ATR: variants seen among roughly 807,000 people sequenced by gnomAD.
ATR encodes the protein ATR checkpoint kinase.
A neutral mutation model predicts 305.3 loss-of-function variants in ATR; 142 were observed. The observed-to-expected ratio is 0.47, with a 90% CI of 0.41 to 0.53. The LOEUF (loss-of-function observed/expected upper bound fraction) is 0.53. ATR is among the 20% of genes least tolerant of loss of function. The probability of loss-of-function intolerance (pLI) is 0.00; values close to 1 mark genes in which losing one functional copy is unlikely to be tolerated. For missense variants in ATR, 2,135 were observed against 3,133.1 expected, an observed-to-expected ratio of 0.68 and a Z score of 7.60; for synonymous variants, 1,050 against 1,068.1, an observed-to-expected ratio of 0.98 and a Z score of 0.33.
At chr3:142,506,164 G>A (rs559058813) in intron 28 of ATR, among the ~76,000 whole-genome samples, 13 of 152,298 alleles carry the variant, frequency 8.5e-5, no homozygotes, top group South Asian at 2.1e-4. Context: ...GCAGTATAAA[G>A]AAACTAGACA....
At chr3:142,564,132 G>A (rs143738215) in intron 3 of ATR, among the ~76,000 whole-genome samples, 2,734 of 152,042 alleles carry the variant, frequency 0.018, 29 homozygotes, top group South Asian at 0.041. Flanking sequence ...TTTTTAATTA[G>A]GGTACATACA....
intron 21 of ATR, among the ~76,000 whole-genome samples, chr3:142,526,390 G>A (rs1381308872): frequency 6.6e-6 from 1 of 151,832 alleles, no homozygotes; most frequent in African/African-American, 2.4e-5. Context: ...ATGTCTGATT[G>A]CTTTTTTCCC....
intron 23 of ATR, among the ~76,000 whole-genome samples, chr3:142,522,201 T>C (rs752346683): frequency 6.6e-5 from 10 of 152,218 alleles, no homozygotes; most frequent in Non-Finnish European, 5.9e-5. Flanking sequence ...CAAAGTATTT[T>C]TTAAATAAAG....
rs745492318 is a variant in ATR at position 142,547,748 on chromosome 3, C to T, written c.3334G>A (p.Asp1112Asn). 6.2e-7 allele frequency: 1 copy of T among 1,613,870 alleles called. No homozygotes were observed. The highest frequency in any genetic ancestry group is 1.1e-5 in the South Asian group (1 of 91,066). ...ACCATCAGTTCAGGTGATATGATAT[C>T]TCTCGGGCCCTGATATGGATCATCA... ...SSDDPYQGPR[D>N]IISPELMADY... Residue 1112 changes from aspartate to asparagine, a missense_variant, in exon 16 of 47, where the codon GAT (aspartate) becomes AAT (asparagine). This residue lies in a region of ATR where 530 missense variants were observed against 766.8 expected (regional missense o/e 0.69). Coordinates refer to ENST00000350721, the MANE Select transcript of ATR (RefSeq NM_001184.4).
intron 29 of ATR, 47 bp from the exon 30 acceptor site, chr3:142,503,500 A>C: frequency 7.9e-7 from 1 of 1,268,340 alleles, no homozygotes; most frequent in Non-Finnish European, 1.1e-6. Context: ...CTTCAATAAT[A>C]GCTTGGGGAC....
At position 142,559,400 on chromosome 3, in the gene ATR, G is replaced by A. The variant is rs2108480320; in HGVS notation, c.1583C>T (p.Pro528Leu). 2 of 1,613,882 alleles carry A rather than the reference G, an allele frequency of 1.2e-6. No homozygotes were observed. Among genetic ancestry groups the A allele is most frequent in the Non-Finnish European group, 1.7e-6 (2 of 1,179,934 alleles). ...KDCQHKSKKK[P>L]SVVITWMSLD... ...TGACATCCAAGTTATCACTACAGAA[G>A]GTTTCTTCTTGGATTTATGTTGACA... Residue 528 changes from proline to leucine, a missense_variant, in exon 7 of 47, where the codon CCT (proline) becomes CTT (leucine). Coordinates refer to ENST00000350721, the MANE Select transcript of ATR (RefSeq NM_001184.4).
At chr3:142,527,622 C>T (rs1282151186) in intron 21 of ATR, among the ~76,000 whole-genome samples, 2 of 152,054 alleles carry the variant, frequency 1.3e-5, no homozygotes, top group Non-Finnish European at 2.9e-5. Flanking sequence ...ATTAATTTTA[C>T]TGCTTTCTGT....
At chr3:142,459,745 G>A (rs1447475964) in intron 42 of ATR, among the ~76,000 whole-genome samples, 1 of 151,986 alleles carries the variant, frequency 6.6e-6, no homozygotes. Flanking sequence ...ACTGAGACTT[G>A]AGTATGTGTG....
intron 36 of ATR, among the ~76,000 whole-genome samples, chr3:142,480,675 G>GC (rs1286812484): frequency 2.6e-5 from 4 of 152,204 alleles, no homozygotes; most frequent in Non-Finnish European, 4.4e-5. Flanking sequence ...GCTATGCCCT[G>GC]CCCCCAGAGG....
chr3:142,453,881 A>G (rs2070844469), intron 45 of ATR, among the ~76,000 whole-genome samples: 1 of 152,216 alleles, frequency 6.6e-6, no homozygotes, highest in African/African-American at 2.4e-5. Context: ...CCGTGACACT[A>G]TCCAGTACAC....
In ATR at chr3:142,498,678, A is replaced by G. The variant is rs758772927; in HGVS notation, c.5477T>C (p.Val1826Ala). The G allele has an allele frequency of 6.8e-6, 11 of 1,613,918 alleles. No homozygotes were observed. Among genetic ancestry groups the G allele is most frequent in the African/African-American group, 1.3e-5 (1 of 74,896 alleles). Reference sequence around the variant, plus strand: ...AAGAGGTACAATTTGTTCTGCTCTCACTAGTTTCAGTGAGTCATAAAAAGC... The same window carrying G: ...AAGAGGTACAATTTGTTCTGCTCTCGCTAGTTTCAGTGAGTCATAAAAAGC... ...ITAFYDSLKL[V>A]RAEQIVPLSA... The change falls in exon 32 of 47, where the codon GTG (valine) becomes GCG (alanine). Residue 1826 changes from valine (V) to alanine (A), a missense_variant. This residue lies in a region of ATR where 117 missense variants were observed against 198.3 expected (regional missense o/e 0.59). Coordinates refer to ENST00000350721, the MANE Select transcript of ATR (RefSeq NM_001184.4).
intron 25 of ATR, among the ~76,000 whole-genome samples, chr3:142,513,987 C>T (rs2108376418): frequency 6.6e-6 from 1 of 152,048 alleles, no homozygotes; most frequent in South Asian, 2.1e-4. Flanking sequence ...AAGAAAATGT[C>T]AGCCGGGCAT....
At position 142,559,359 on chromosome 3, in the gene ATR, T is replaced by C. The variant is rs200491706; in HGVS notation, c.1624A>G (p.Lys542Glu). 250 of 1,613,788 alleles carry C rather than the reference T, an allele frequency of 1.5e-4. No individual in the cohort carries two copies. The highest frequency in any genetic ancestry group is 1.9e-4 in the Non-Finnish European group (229 of 1,179,878). Reference sequence around the variant, plus strand: ...AAACTTCTACAGCTCTTAAGCACTTTTGTGTAAAAATCCAATGACATCCAA... The same window carrying C: ...AAACTTCTACAGCTCTTAAGCACTTCTGTGTAAAAATCCAATGACATCCAA... The part of the protein sequence containing the change: ...ITWMSLDFYT[K>E]VLKSCRSLLE... Residue 542 changes from lysine to glutamate, a missense_variant, in exon 7 of 47, where the codon AAA (lysine) becomes GAA (glutamate). By Grantham distance (56) the Lys-to-Glu change is moderately conservative. Coordinates refer to ENST00000350721, the MANE Select transcript of ATR (RefSeq NM_001184.4).
chr3:142,539,035 A>G (rs2033960008), intron 18 of ATR, among the ~76,000 whole-genome samples: 1 of 152,198 alleles, frequency 6.6e-6, no homozygotes, highest in Admixed American at 6.6e-5. Context: ...ATTAAATAAA[A>G]TAGAGGGAAA....
intron 27 of ATR, among the ~76,000 whole-genome samples, chr3:142,511,277 A>G (rs1365277264): frequency 1.3e-5 from 2 of 152,184 alleles, no homozygotes; most frequent in Non-Finnish European, 2.9e-5. Flanking sequence ...TAACAATATT[A>G]GCATCTCATT....
chr3:142,561,934 G>A (rs1354836094), intron 4 of ATR, among the ~76,000 whole-genome samples: 1 of 152,162 alleles, frequency 6.6e-6, no homozygotes, highest in African/African-American at 2.4e-5. Flanking sequence ...CTGCAATTAA[G>A]TTGGTAACTG....
intron 16 of ATR, among the ~76,000 whole-genome samples, chr3:142,545,707 G>A (rs967491623): frequency 6.6e-6 from 1 of 152,164 alleles, no homozygotes; most frequent in African/African-American, 2.4e-5. Flanking sequence ...ATCATTATTT[G>A]TGTAAGGGTG....
rs1204281931 is a variant in ATR at position 142,497,030 on chromosome 3, T to C, written c.5721A>G (p.Leu1907=). Reference sequence around the variant, plus strand: ...TGAGAAACCTTTTGTTGAGGCTTAGTAAAGCCCTCCGGAGAGCCAGGATAG... The same window carrying C: ...TGAGAAACCTTTTGTTGAGGCTTAGCAAAGCCCTCCGGAGAGCCAGGATAG... ...KEPILALRRA[L]LSLNKRPDYN... Residue 1907 remains leucine (L), a synonymous_variant, in exon 33 of 47, where the codon TTA becomes TTG. Transcript: ENST00000350721. The C allele has an allele frequency of 1.2e-6, 2 of 1,613,128 alleles. No individual in the cohort carries two copies. Among genetic ancestry groups the C allele is most frequent in the African/African-American group, 2.7e-5 (2 of 74,938 alleles).
intron 1 of ATR, among the ~76,000 whole-genome samples, chr3:142,574,650 T>A (rs1336932331): frequency 6.6e-6 from 1 of 152,102 alleles, no homozygotes; most frequent in Non-Finnish European, 1.5e-5. Flanking sequence ...AATACCAGGA[T>A]AACCAAGACA....
Sources: gnomAD v4.1 joint callset for allele counts (sites outside exome capture counted in the v4.1 genomes callset) on GRCh38, gnomAD v4.1.1 for gene constraint, gnomAD v4.1.1 regional missense constraint, MANE v1.5 for transcripts, NCBI Gene and HGNC (gene_info 2026-07-23, HGNC 2026-07-21) for gene names.